TENM2: variants seen among roughly 807,000 people sequenced by gnomAD.
TENM2 encodes the protein teneurin transmembrane protein 2.
In TENM2, 52 loss-of-function variants were observed where a neutral mutation model predicts 245.2. The observed-to-expected ratio is 0.21, with a 90% CI of 0.17 to 0.27. The LOEUF (loss-of-function observed/expected upper bound fraction) is 0.27, where lower values mean the gene tolerates loss of function less well. TENM2 is among the 10% of genes least tolerant of loss of function. The pLI is 1.00. For synonymous variants in TENM2, 1,363 were observed against 1,438.9 expected (o/e 0.95, Z 1.19); for missense variants, 3,046 against 3,666.8 (o/e 0.83, Z 4.37).
At chr5:167,487,270 T>G (rs780133455) in intron 2 of TENM2, among the ~76,000 whole-genome samples, 5 of 152,146 alleles carry the variant, frequency 3.3e-5, no homozygotes, top group Admixed American at 6.6e-5. Flanking sequence ...TCAGGGAAAT[T>G]ATCTGTGGGA....
chr5:167,450,911 C>T (rs138400027), intron 2 of TENM2, among the ~76,000 whole-genome samples: 3 of 152,128 alleles, frequency 2.0e-5, no homozygotes, highest in African/African-American at 7.2e-5. Context: ...TTTCACTGTT[C>T]TGACTCTTTA....
the TENM2 span, among the ~76,000 whole-genome samples, chr5:167,165,974 C>T: frequency 8.5e-5 from 13 of 152,086 alleles, no homozygotes; most frequent in Admixed American, 2.0e-4. Flanking sequence ...GCTGCAAAAT[C>T]CTGAAAAAGT....
chr5:167,332,064 A>G (rs1017713286), intron 1 of TENM2, among the ~76,000 whole-genome samples: 1 of 152,318 alleles, frequency 6.6e-6, no homozygotes, highest in Non-Finnish European at 1.5e-5. Flanking sequence ...AATTTGTTCA[A>G]AGTTATTTCT....
At chr5:167,120,205 T>C in the TENM2 span, among the ~76,000 whole-genome samples, 1 of 152,134 alleles carries the variant, frequency 6.6e-6, no homozygotes, top group African/African-American at 2.4e-5. Flanking sequence ...AAGAAAGCCA[T>C]TGAAAGATTT....
the TENM2 span, among the ~76,000 whole-genome samples, chr5:167,190,571 G>C: frequency 6.6e-6 from 1 of 152,026 alleles, no homozygotes; most frequent in Non-Finnish European, 1.5e-5. Flanking sequence ...TGTAAAACGG[G>C]TGTCTAATAA....
chr5:168,188,813 G>T (rs985825284), intron 13 of TENM2, among the ~76,000 whole-genome samples: 2 of 152,156 alleles, frequency 1.3e-5, no homozygotes, highest in African/African-American at 4.8e-5. Context: ...GGGGTGGGCC[G>T]TTTATTCTTC....
At chr5:167,807,240 G>T (rs991901618) in intron 2 of TENM2, among the ~76,000 whole-genome samples, 5 of 150,020 alleles carry the variant, frequency 3.3e-5, no homozygotes, top group South Asian at 2.1e-4. Context: ...AGACTTTTTT[G>T]GGGGGTAAGG....
intron 2 of TENM2, among the ~76,000 whole-genome samples, chr5:167,640,619 CAA>C (rs777939339): frequency 0.076 from 5,784 of 76,172 alleles, 402 homozygotes; most frequent in African/African-American, 0.22. Context: ...AACTCCATCT[CAA>C]AAAAAAAAAA....
At chr5:167,888,643 T>C (rs1774489346) in intron 3 of TENM2, among the ~76,000 whole-genome samples, 1 of 152,224 alleles carries the variant, frequency 6.6e-6, no homozygotes, top group African/African-American at 2.4e-5. Flanking sequence ...ATATTTAAAC[T>C]CTAGAATCCA....
chr5:167,778,725 A>G (rs141122634), intron 2 of TENM2, among the ~76,000 whole-genome samples: 2 of 152,312 alleles, frequency 1.3e-5, no homozygotes, highest in East Asian at 3.9e-4. Context: ...TTTTTCCTAC[A>G]AAAGGAATTA....
chr5:167,623,731 G>A (rs1778322535), intron 2 of TENM2, among the ~76,000 whole-genome samples: 1 of 152,160 alleles, frequency 6.6e-6, no homozygotes, highest in Admixed American at 6.5e-5. Context: ...AAGAGAGTGT[G>A]TGGAATACTA....
chr5:167,869,485 G>C (rs931188633), intron 2 of TENM2, among the ~76,000 whole-genome samples: 1 of 152,248 alleles, frequency 6.6e-6, no homozygotes, highest in Non-Finnish European at 1.5e-5. Context: ...TGGGTGATAA[G>C]TGTGGAAGGG....
intron 19 of TENM2, among the ~76,000 whole-genome samples, chr5:168,204,942 A>C (rs1562279379): frequency 6.6e-6 from 1 of 152,240 alleles, no homozygotes. Flanking sequence ...ACTAATGTTC[A>C]TTTGCTAATT....
rs34472313 is a variant in TENM2, at chr5:167,403,902, GTT to G, written c.502+28442_502+28443del. Among the ~76,000 whole-genome samples the G allele has an allele frequency of 2.4e-3, 322 of 136,822 alleles. 1 individual carries two copies. Among genetic ancestry groups the G allele is most frequent in the African/African-American group, 7.5e-3 (285 of 37,898 alleles). The allele number at this position is 136,822 out of a possible 152,430, so 89.8% of individuals were successfully genotyped here. A position where few individuals can be genotyped will look rare whatever the true frequency, so the allele number is the denominator to read the frequency against. ...TTCTTTATAGCATGATGCCACAACT[GTT>G]TTTTTTTTTTTTAAGTAATTTTTTC... On this transcript the variant is annotated intron_variant, in intron 2 of 28. Transcript: ENST00000518659.
chr5:168,198,353 GC>G (rs1406549634), intron 15 of TENM2, among the ~76,000 whole-genome samples: 1 of 151,904 alleles, frequency 6.6e-6, no homozygotes, highest in Middle Eastern at 3.2e-3. Flanking sequence ...CCACCACCAT[GC>G]CTGGCTAATT....
chr5:167,682,011 C>T (rs901780009), intron 2 of TENM2, among the ~76,000 whole-genome samples: 4 of 151,898 alleles, frequency 2.6e-5, no homozygotes, highest in African/African-American at 9.7e-5. Context: ...AGCACACACA[C>T]AAAGAGAGAA....
rs865951528 is a variant in TENM2, at chr5:167,776,616, A to C, written c.503-99370A>C. On this transcript the variant is annotated intron_variant, in intron 2 of 28. Coordinates refer to ENST00000518659, the Ensembl canonical transcript of TENM2. ...CTGAAAAAAAAAAAAAAAAAAAAAAAAAAAAAAAAACCATATATATGTATC... is the reference window on the plus strand; with the variant it reads ...CTGAAAAAAAAAAAAAAAAAAAAAACAAAAAAAAAACCATATATATGTATC... Among the ~76,000 whole-genome samples, 26 of 98,896 alleles carry C rather than the reference A, an allele frequency of 2.6e-4. No homozygotes were observed. In the East Asian group the frequency reaches 4.9e-3, roughly 19 times the overall value. 64.9% of individuals were successfully genotyped at this position (98,896 alleles called of 152,430 possible). A position where few individuals can be genotyped will look rare whatever the true frequency, so the allele number is the denominator to read the frequency against.
chr5:168,112,616 G>GGGGGGC (rs1794768572), intron 9 of TENM2, among the ~76,000 whole-genome samples: 5 of 102,262 alleles, frequency 4.9e-5, no homozygotes, highest in African/African-American at 7.6e-5. Context: ...CGGGGGGGGG[G>GGGGGGC]TCAAACTTTA....
intron 2 of TENM2, among the ~76,000 whole-genome samples, chr5:167,726,651 G>A (rs954743840): frequency 1.3e-5 from 2 of 152,036 alleles, no homozygotes; most frequent in Admixed American, 1.3e-4. Flanking sequence ...TAGTGATGGG[G>A]TCTCATTATG....
Sources: allele counts gnomAD v4.1 joint callset (sites outside exome capture counted in the v4.1 genomes callset), GRCh38; gene constraint gnomAD v4.1.1; transcripts MANE v1.5; gene names NCBI Gene and HGNC (gene_info 2026-07-23, HGNC 2026-07-21).